Variants in PRELID2 observed in about 807,000 individuals in gnomAD.
PRELID2 encodes the protein PRELI domain containing 2.
In PRELID2, 25 loss-of-function variants were observed where a neutral mutation model predicts 28.4. That is an observed-to-expected ratio of 0.88 (90% CI 0.64 to 1.23). The LOEUF (loss-of-function observed/expected upper bound fraction) is 1.23, where lower values mean the gene tolerates loss of function less well. Ranked by LOEUF, PRELID2 falls within the 50% of genes most tolerant of loss-of-function variation. The pLI is 0.00. For missense variants in PRELID2, 201 were observed against 214.4 expected (o/e 0.94, Z 0.39); for synonymous variants, 76 against 71.6 (o/e 1.06, Z -0.31).
intron 1 of PRELID2, chr5:145,826,105 G>A (rs1755174201): frequency 1.0e-6 from 1 of 985,270 alleles, no homozygotes; most frequent in African/African-American, 1.7e-5. Flanking sequence ...ACCCATCAAA[G>A]ACTTAACTGA....
intron 1 of PRELID2, among the ~76,000 whole-genome samples, chr5:145,639,861 A>C (rs1039000264): frequency 1.3e-5 from 2 of 152,180 alleles, no homozygotes; most frequent in Non-Finnish European, 2.9e-5. Context: ...ATTCTCCTGA[A>C]TTTTGTTTTT....
rs115267297 is a variant in PRELID2 at position 145,513,786 on chromosome 5, C to T, written n.71-40471G>A. ...CACAAAGGGAAGCTCATCAGATTAA[C>T]GGTGGATCTCTCTGCCAAAACCCTA... On this transcript the variant is annotated intron_variant and non_coding_transcript_variant, in intron 1 of 2. Coordinates refer to the PRELID2 transcript ENST00000510259. Among the ~76,000 whole-genome samples the T allele has an allele frequency of 6.4e-3, 974 of 152,270 alleles. 11 individuals are homozygous for T. The highest frequency in any genetic ancestry group is 0.022 in the African/African-American group (923 of 41,548).
intron 4 of PRELID2, among the ~76,000 whole-genome samples, chr5:145,803,939 C>T (rs1288615485): frequency 1.3e-5 from 2 of 152,042 alleles, no homozygotes; most frequent in African/African-American, 4.8e-5. Context: ...CTCCCAACTT[C>T]CCAGACTCCT....
intron 1 of PRELID2, among the ~76,000 whole-genome samples, chr5:145,650,504 T>G (rs1195774231): frequency 7.0e-6 from 1 of 142,702 alleles, no homozygotes; most frequent in East Asian, 2.1e-4. Flanking sequence ...AAGGTGAATT[T>G]TGAGCATATC....
chr5:145,782,945 A>T (rs967765761), intron 5 of PRELID2, among the ~76,000 whole-genome samples: 2 of 152,330 alleles, frequency 1.3e-5, no homozygotes, highest in Admixed American at 1.3e-4. Flanking sequence ...ATGTTAGTGA[A>T]GCTCAGAGCA....
chr5:145,569,279 G>A (rs1355860238), intron 1 of PRELID2, among the ~76,000 whole-genome samples: 1 of 152,056 alleles, frequency 6.6e-6, no homozygotes, highest in East Asian at 1.9e-4. Context: ...TTACTTGATT[G>A]GCAGTCAAAA....
the PRELID2 span, among the ~76,000 whole-genome samples, chr5:145,432,070 A>C: frequency 6.6e-6 from 1 of 152,146 alleles, no homozygotes; most frequent in Non-Finnish European, 1.5e-5. Context: ...AGACTAATAC[A>C]TACATCATGG....
At chr5:145,794,025 C>T (rs183825460) in intron 5 of PRELID2, among the ~76,000 whole-genome samples, 3 of 152,108 alleles carry the variant, frequency 2.0e-5, no homozygotes, top group Admixed American at 2.0e-4. Flanking sequence ...AGGAGGCCAA[C>T]GAGAGTCCCT....
At chr5:145,417,022 AAAG>A in the PRELID2 span, among the ~76,000 whole-genome samples, 4 of 152,030 alleles carry the variant, frequency 2.6e-5, no homozygotes, top group African/African-American at 9.7e-5. Flanking sequence ...CTAGACACAT[AAAG>A]AAGAAGAGAA....
At chr5:145,448,618 C>T in the PRELID2 span, among the ~76,000 whole-genome samples, 1 of 152,106 alleles carries the variant, frequency 6.6e-6, no homozygotes, top group Non-Finnish European at 1.5e-5. Flanking sequence ...GGGATCAGTT[C>T]AACAAGAAGA....
At chr5:145,809,990 CCAGAAACTCACAAATA>C (rs1247418200) in intron 4 of PRELID2, among the ~76,000 whole-genome samples, 2 of 152,076 alleles carry the variant, frequency 1.3e-5, no homozygotes, top group Non-Finnish European at 2.9e-5. Flanking sequence ...TAAATAAGAA[CCAGAAACTCACAAATA>C]CATATATTTT....
intron 4 of PRELID2, among the ~76,000 whole-genome samples, chr5:145,816,626 T>C (rs1286384796): frequency 1.3e-5 from 2 of 152,194 alleles, no homozygotes; most frequent in African/African-American, 4.8e-5. Flanking sequence ...GGTAGGGATC[T>C]AAATTCATTC....
At chr5:145,528,726 C>CACAG (rs1475264275) in intron 1 of PRELID2, among the ~76,000 whole-genome samples, 25 of 53,664 alleles carry the variant, frequency 4.7e-4, no homozygotes, top group Non-Finnish European at 5.0e-4. Context: ...CACACACACA[C>CACAG]AGAGAGAGAG....
intron 1 of PRELID2, among the ~76,000 whole-genome samples, chr5:145,659,041 AACCT>A (rs1240162440): frequency 2.0e-5 from 3 of 152,164 alleles, no homozygotes; most frequent in Admixed American, 2.0e-4. Context: ...TGGGAAAATG[AACCT>A]ACAGCAGAGG....
the PRELID2 span, among the ~76,000 whole-genome samples, chr5:145,387,001 G>A: frequency 1.3e-5 from 2 of 152,146 alleles, no homozygotes; most frequent in Non-Finnish European, 2.9e-5. Flanking sequence ...TGTTTCTAAA[G>A]ATCAGTGACA....
chr5:145,649,981 A>G (rs1754261261), intron 1 of PRELID2, among the ~76,000 whole-genome samples: 1 of 152,170 alleles, frequency 6.6e-6, no homozygotes, highest in African/African-American at 2.4e-5. Context: ...TATATTACAC[A>G]TGAGAAATGT....
At chr5:145,422,526 G>A in the PRELID2 span, among the ~76,000 whole-genome samples, 2 of 151,990 alleles carry the variant, frequency 1.3e-5, no homozygotes, top group African/African-American at 4.8e-5. Context: ...TTGGTTTAAA[G>A]TCTGTTTTAT....
the PRELID2 span, among the ~76,000 whole-genome samples, chr5:145,384,131 T>C: frequency 1.3e-5 from 2 of 152,150 alleles, no homozygotes; most frequent in Non-Finnish European, 2.9e-5. Context: ...AACTCAAGAA[T>C]AGATAAGCTA....
intron 1 of PRELID2, among the ~76,000 whole-genome samples, chr5:145,519,812 T>C (rs1752547815): frequency 6.6e-6 from 1 of 152,188 alleles, no homozygotes; most frequent in Non-Finnish European, 1.5e-5. Context: ...TTATTTTATA[T>C]TACAAAAAAA....
Sources: gnomAD v4.1 joint callset for allele counts (sites outside exome capture counted in the v4.1 genomes callset) on GRCh38, gnomAD v4.1.1 for gene constraint, MANE v1.5 for transcripts, NCBI Gene and HGNC (gene_info 2026-07-23, HGNC 2026-07-21) for gene names.